TOM1L2: variants seen among roughly 807,000 people sequenced by gnomAD.
The protein encoded by TOM1L2 is TOM1-like protein 2.
In TOM1L2, 31 loss-of-function variants were observed where a neutral mutation model predicts 67.9. The observed-to-expected ratio is 0.46, with a 90% CI of 0.34 to 0.62. The LOEUF (loss-of-function observed/expected upper bound fraction) is 0.62, where lower values mean the gene tolerates loss of function less well. Among genes scored for constraint, TOM1L2 ranks in the 20% least tolerant of loss-of-function variants. The pLI, the probability that TOM1L2 is intolerant of heterozygous loss-of-function variation, is 0.01. For synonymous variants in TOM1L2, 256 were observed against 254.0 expected (o/e 1.01, Z -0.07); for missense variants, 606 against 663.5 (o/e 0.91, Z 0.95).
At position 17,927,212 on chromosome 17, in the gene TOM1L2, T is replaced by A. The variant is rs148268063; in HGVS notation, c.53-19681A>T. 1.9e-3 allele frequency among the ~76,000 whole-genome samples: 295 copies of A among 152,338 alleles called. 1 individual carries two copies. Among genetic ancestry groups the A allele is most frequent in the African/African-American group, 6.9e-3 (286 of 41,570 alleles). On this transcript the variant is annotated intron_variant, in intron 1 of 14. Coordinates refer to ENST00000379504, the MANE Select transcript of TOM1L2 (RefSeq NM_001082968.2). The stretch of plus-strand genomic sequence containing the variant: ...AACAGCATGAAACTGCATTCTTCAA[T>A]GGGGGTGGAGTCCAAAGGGACAGGC...
intron 13 of TOM1L2, among the ~76,000 whole-genome samples, chr17:17,849,878 GT>G (rs747260299): frequency 6.6e-6 from 1 of 152,208 alleles, no homozygotes; most frequent in Non-Finnish European, 1.5e-5. Flanking sequence ...CCCGGGGTGT[GT>G]TCTTCCTCCC....
At chr17:17,966,537 C>G (rs368798310) in intron 1 of TOM1L2, among the ~76,000 whole-genome samples, 1 of 152,192 alleles carries the variant, frequency 6.6e-6, no homozygotes, top group Non-Finnish European at 1.5e-5. Context: ...CCTACTGAAA[C>G]AGAAACTCTG....
intron 3 of TOM1L2, among the ~76,000 whole-genome samples, chr17:17,895,706 C>G (rs568442043): frequency 1.4e-3 from 208 of 152,304 alleles, no homozygotes; most frequent in African/African-American, 4.9e-3. Context: ...CAGGGCCATC[C>G]CTCCCTCACA....
intron 1 of TOM1L2, among the ~76,000 whole-genome samples, chr17:17,922,317 C>T (rs771826244): frequency 1.1e-4 from 16 of 152,130 alleles, no homozygotes; most frequent in South Asian, 2.1e-4. Flanking sequence ...TGAAGGGGAG[C>T]GGTGAGAGGA....
intron 2 of TOM1L2, among the ~76,000 whole-genome samples, chr17:17,903,200 CAT>C (rs1341788351): frequency 2.0e-5 from 3 of 152,172 alleles, no homozygotes; most frequent in Non-Finnish European, 2.9e-5. Flanking sequence ...ACTCGTTATG[CAT>C]ATGTTTATAT....
intron 1 of TOM1L2, among the ~76,000 whole-genome samples, chr17:17,945,348 T>C (rs1260170126): frequency 1.3e-5 from 2 of 152,124 alleles, no homozygotes; most frequent in Non-Finnish European, 2.9e-5. Flanking sequence ...ATTAAAAATA[T>C]ATATATGGCT....
At chr17:17,917,311 G>A (rs1383351620) in intron 1 of TOM1L2, among the ~76,000 whole-genome samples, 3 of 151,924 alleles carry the variant, frequency 2.0e-5, no homozygotes, top group Non-Finnish European at 4.4e-5. Context: ...TCCAGCCTGG[G>A]CGACAGAGCA....
chr17:17,950,406 GC>G (rs2041150876), intron 1 of TOM1L2, among the ~76,000 whole-genome samples: 1 of 151,958 alleles, frequency 6.6e-6, no homozygotes, highest in Non-Finnish European at 1.5e-5. Context: ...TGATCTGCCT[GC>G]CTTAGCCTCC....
intron 1 of TOM1L2, among the ~76,000 whole-genome samples, chr17:17,912,834 C>T (rs1353754796): frequency 5.3e-5 from 8 of 151,976 alleles, no homozygotes; most frequent in Non-Finnish European, 1.0e-4. Flanking sequence ...CCAAGGCAGG[C>T]GGCTGGGAGT....
chr17:17,944,524 A>T (rs1052398489), intron 1 of TOM1L2, among the ~76,000 whole-genome samples: 1 of 152,222 alleles, frequency 6.6e-6, no homozygotes, highest in Admixed American at 6.5e-5. Context: ...GGTGTCTTAG[A>T]AGCAAAGAAA....
intron 1 of TOM1L2, among the ~76,000 whole-genome samples, chr17:17,940,324 G>A (rs1272131635): frequency 1.3e-5 from 2 of 151,734 alleles, no homozygotes; most frequent in African/African-American, 4.9e-5. Context: ...ATCAATAATT[G>A]GTAGCTTTAT....
At chr17:17,915,528 G>T in intron 1 of TOM1L2, among the ~76,000 whole-genome samples, 1 of 151,502 alleles carries the variant, frequency 6.6e-6, no homozygotes, top group South Asian at 2.1e-4. Flanking sequence ...TTTTTTAAGA[G>T]ACAGGATCTC....
intron 4 of TOM1L2, among the ~76,000 whole-genome samples, chr17:17,891,495 G>A (rs192854205): frequency 6.6e-6 from 1 of 152,272 alleles, no homozygotes; most frequent in East Asian, 1.9e-4. Context: ...GAAGAAGGCT[G>A]TGTCTGCCCT....
chr17:17,850,231 A>G (rs1035718553), intron 13 of TOM1L2, among the ~76,000 whole-genome samples: 5 of 152,204 alleles, frequency 3.3e-5, no homozygotes, highest in African/African-American at 1.2e-4. Context: ...TGGGCTGCTG[A>G]GAGTGAAAGT....
At chr17:17,944,825 C>G (rs2040875868) in intron 1 of TOM1L2, among the ~76,000 whole-genome samples, 4 of 152,200 alleles carry the variant, frequency 2.6e-5, no homozygotes, top group Admixed American at 2.0e-4. Flanking sequence ...CAAGGCCTAA[C>G]AGAGGAGAAC....
chr17:17,866,425 A>AG lies in TOM1L2; in HGVS notation c.961-7dup, dbSNP rs2036853548. On this transcript the variant is annotated splice_region_variant and splice_polypyrimidine_tract_variant and intron_variant, in intron 9 of 14. Transcript: ENST00000379504. The stretch of plus-strand genomic sequence containing the variant: ...TCGGTTACTTCATTCAGTACCTGTC[A>AG]GAACATGAGATTGGCCATAAGCCCC... The AG allele has an allele frequency of 6.3e-7, 1 of 1,588,804 alleles. No individual in the cohort carries two copies. The highest frequency in any genetic ancestry group is 8.6e-7 in the Non-Finnish European group (1 of 1,165,610).
intron 2 of TOM1L2, among the ~76,000 whole-genome samples, chr17:17,904,263 G>A (rs2038989434): frequency 6.6e-6 from 1 of 152,198 alleles, no homozygotes; most frequent in Admixed American, 6.5e-5. Flanking sequence ...TGTGTGACCA[G>A]CCTTCTGGGA....
At chr17:17,892,453 TTC>T (rs1275196815) in intron 4 of TOM1L2, among the ~76,000 whole-genome samples, 3 of 152,116 alleles carry the variant, frequency 2.0e-5, no homozygotes, top group African/African-American at 7.2e-5. Context: ...CTTATGTGCC[TTC>T]TGTGTCACCA....
At position 17,866,907 on chromosome 17, in the gene TOM1L2, G is replaced by A; in HGVS notation, c.929C>T (p.Ser310Phe). The change falls in exon 9 of 15, where the codon TCT becomes TTT. Residue 310 changes from serine (S) to phenylalanine (F), a missense_variant. Ser to Phe is a radical substitution (Grantham distance 155, BLOSUM62 -2). Transcript: ENST00000379504. Reference sequence around the variant, plus strand: ...ACTGGCATTTTGAACGGATCGGCCAGACCTGTATCGTTCGAACCTAACAGG... The same window carrying A: ...ACTGGCATTTTGAACGGATCGGCCAAACCTGTATCGTTCGAACCTAACAGG... ...LRYERFERYR[S>F]GRSVQNASNG... 6.2e-7 allele frequency: 1 copy of A among 1,614,064 alleles called. No homozygotes were observed. Among genetic ancestry groups the A allele is most frequent in the Non-Finnish European group, 8.5e-7 (1 of 1,179,954 alleles).
Sources: allele counts gnomAD v4.1 joint callset (sites outside exome capture counted in the v4.1 genomes callset), GRCh38; gene constraint gnomAD v4.1.1; transcripts MANE v1.5; gene names NCBI Gene and HGNC (gene_info 2026-07-23, HGNC 2026-07-21).